Variants in PIK3CD observed in about 807,000 individuals in gnomAD.
The protein encoded by PIK3CD is phosphatidylinositol 4,5-bisphosphate 3-kinase catalytic subunit delta isoform.
In PIK3CD, 20 loss-of-function variants were observed where a neutral mutation model predicts 122.9. That is an observed-to-expected ratio of 0.16 (90% CI 0.11 to 0.24). The LOEUF (loss-of-function observed/expected upper bound fraction) is 0.24. Ranked by LOEUF, PIK3CD falls within the 10% of genes least tolerant of loss-of-function variation. PIK3CD has a pLI of 1.00. For missense variants in PIK3CD, 787 were observed against 1,406.3 expected, an observed-to-expected ratio of 0.56 and a Z score of 7.04; for synonymous variants, 596 against 593.4, an observed-to-expected ratio of 1.00 and a Z score of -0.06.
chr1:9,628,360 A>G, the PIK3CD span, among the ~76,000 whole-genome samples: 2 of 152,252 alleles, frequency 1.3e-5, no homozygotes, highest in Non-Finnish European at 2.9e-5. Context: ...CAAAGCCCAA[A>G]GATGCCATTC....
chr1:9,629,466 C>T, the PIK3CD span, among the ~76,000 whole-genome samples: 6 of 149,014 alleles, frequency 4.0e-5, no homozygotes, highest in Non-Finnish European at 8.9e-5. Context: ...CCCCCACCCC[C>T]GCCCCCACCC....
In PIK3CD at chr1:9,710,135, G is replaced by A; in HGVS notation, c.-32-289G>A. 1 of 408,868 alleles carries A rather than the reference G, an allele frequency of 2.4e-6. No homozygotes were observed. The highest frequency in any genetic ancestry group is 4.6e-6 in the Non-Finnish European group (1 of 215,282). The allele number at this position is 408,868 out of a possible 1,614,324, so 25.3% of individuals were successfully genotyped here. A position where few individuals can be genotyped will look rare whatever the true frequency, so the allele number is the denominator to read the frequency against. ...GGCCATGACTGGCTTTCGTGGATGT[G>A]TATGTTCCTGAGGAAAGATGATTTG... On this transcript the variant is annotated intron_variant, in intron 2 of 23. Transcript: ENST00000377346. This position sits in a 1 kb window ranked among gnomAD's most constrained non-coding sequence, Gnocchi z 4.7.
intron 2 of PIK3CD, among the ~76,000 whole-genome samples, chr1:9,694,597 T>G (rs1570266888): frequency 6.6e-6 from 1 of 152,276 alleles, no homozygotes; most frequent in East Asian, 1.9e-4. Context: ...CAGCTAGCCC[T>G]ACCTGTGTAC....
chr1:9,683,972 G>A (rs920312038), intron 1 of PIK3CD, among the ~76,000 whole-genome samples: 1 of 152,138 alleles, frequency 6.6e-6, no homozygotes, highest in African/African-American at 2.4e-5. Context: ...CTTCTGGCTT[G>A]CTTGGGTTGT....
Position 9,715,415 on chromosome 1 carries a change from G to A in PIK3CD, c.142-126G>A, listed in dbSNP as rs1647261595. On this transcript the variant is annotated intron_variant, in intron 3 of 23. Coordinates refer to ENST00000377346, the MANE Select transcript of PIK3CD (RefSeq NM_005026.5). This position sits in a 1 kb window ranked among gnomAD's most constrained non-coding sequence, Gnocchi z 4.1. ...GGGCTGCAGAGAGTGCAGATCTTGG[G>A]GTCTGCCTCTGCCCTCTGGGAGGTT... The A allele has an allele frequency of 8.2e-6, 6 of 732,544 alleles. No individual in the cohort carries two copies. Among genetic ancestry groups the A allele is most frequent in the East Asian group, 2.8e-5 (1 of 36,250 alleles). 45.4% of individuals were successfully genotyped at this position (732,544 alleles called of 1,614,324 possible). A position where few individuals can be genotyped will look rare whatever the true frequency, so the allele number is the denominator to read the frequency against.
At chr1:9,665,401 AC>A (rs1188570849) in intron 1 of PIK3CD, among the ~76,000 whole-genome samples, 1 of 151,066 alleles carries the variant, frequency 6.6e-6, no homozygotes, top group Non-Finnish European at 1.5e-5. Context: ...CTACAGGCGC[AC>A]GCCGCCATGC....
In PIK3CD at chr1:9,719,187, T is replaced by C. The variant is rs896154882; in HGVS notation, c.1242+272T>C. Among the ~76,000 whole-genome samples, 2 of 152,196 alleles carry C rather than the reference T, an allele frequency of 1.3e-5. No individual in the cohort carries two copies. The highest frequency in any genetic ancestry group is 2.9e-5 in the Non-Finnish European group (2 of 68,022). On this transcript the variant is annotated intron_variant, in intron 9 of 23. Transcript: ENST00000377346. This position sits in a 1 kb window ranked among gnomAD's most constrained non-coding sequence, Gnocchi z 5.5. Reference sequence around the variant, plus strand: ...GGAACCTGCAGGTAGTGCCCTGGGATGGAAGGACAAGCACAGTGTCATCCC... The same window carrying C: ...GGAACCTGCAGGTAGTGCCCTGGGACGGAAGGACAAGCACAGTGTCATCCC...
chr1:9,651,393 G>A (rs1172909036), upstream of PIK3CD, among the ~76,000 whole-genome samples: 1 of 152,182 alleles, frequency 6.6e-6, no homozygotes, highest in Non-Finnish European at 1.5e-5. Flanking sequence ...TTCTTCTCCT[G>A]CTCTCAGCCT....
chr1:9,682,680 G>C (rs547851623), intron 1 of PIK3CD, among the ~76,000 whole-genome samples: 1 of 151,940 alleles, frequency 6.6e-6, no homozygotes, highest in Admixed American at 6.6e-5. Context: ...TTCCCGAGTA[G>C]CTGGGATTAC....
At chr1:9,699,578 T>G (rs919573267) in intron 2 of PIK3CD, among the ~76,000 whole-genome samples, 1 of 150,562 alleles carries the variant, frequency 6.6e-6, no homozygotes, top group Non-Finnish European at 1.5e-5. Context: ...ACCTGCCTCC[T>G]GCCTCAGGGC....
chr1:9,635,956 GAGCAGCAAGAGGGATT>G, the PIK3CD span, among the ~76,000 whole-genome samples: 1 of 152,250 alleles, frequency 6.6e-6, no homozygotes, highest in Non-Finnish European at 1.5e-5. Flanking sequence ...GTCCTGGTAT[GAGCAGCAAGAGGGATT>G]CGCTCTGACT....
intron 1 of PIK3CD, among the ~76,000 whole-genome samples, chr1:9,663,455 G>T (rs1484164837): frequency 2.0e-5 from 3 of 152,150 alleles, no homozygotes; most frequent in Non-Finnish European, 4.4e-5. Flanking sequence ...CCATCTCAAG[G>T]GAGCATGTGG....
At chr1:9,696,243 A>T (rs541740159) in intron 2 of PIK3CD, among the ~76,000 whole-genome samples, 1 of 151,956 alleles carries the variant, frequency 6.6e-6, no homozygotes, top group South Asian at 2.1e-4. Context: ...AAGTGCTAGG[A>T]TTACAGGTGT....
chr1:9,700,074 C>T lies in PIK3CD; in HGVS notation c.-33+8503C>T, dbSNP rs751377593. On this transcript the variant is annotated intron_variant, in intron 2 of 23. Coordinates refer to ENST00000377346, the MANE Select transcript of PIK3CD (RefSeq NM_005026.5). This position sits in a 1 kb window ranked among gnomAD's most constrained non-coding sequence, Gnocchi z 5.1. ...TTATTATATTCCAGTGCTTTTACTA[C>T]CTGAAGCATCTTGTTTATCTATTTG... 6.6e-5 allele frequency among the ~76,000 whole-genome samples: 10 copies of T among 152,158 alleles called. No individual in the cohort carries two copies. Among genetic ancestry groups the T allele is most frequent in the Non-Finnish European group, 1.0e-4 (7 of 68,028 alleles).
At position 9,724,607 on chromosome 1, in the gene PIK3CD, G is replaced by A. The variant is rs924341971; in HGVS notation, c.2864+186G>A. Among the ~76,000 whole-genome samples, 1 of 152,212 alleles carries A rather than the reference G, an allele frequency of 6.6e-6. No individual in the cohort carries two copies. Among genetic ancestry groups the A allele is most frequent in the Non-Finnish European group, 1.5e-5 (1 of 68,040 alleles). Reference sequence around the variant, plus strand: ...CTGCAGTGCCCCTTTTGGGCAATGTGGGCAGGTTTGTGGGTCATGTAGCAG... The same window carrying A: ...CTGCAGTGCCCCTTTTGGGCAATGTAGGCAGGTTTGTGGGTCATGTAGCAG... On this transcript the variant is annotated intron_variant, in intron 22 of 23. Transcript: ENST00000377346. The surrounding 1 kb of genome is among the most constrained non-coding windows in gnomAD (Gnocchi z 7.3).
chr1:9,646,805 T>C (rs556569381), upstream of PIK3CD, among the ~76,000 whole-genome samples: 2 of 151,490 alleles, frequency 1.3e-5, no homozygotes, highest in African/African-American at 4.8e-5. Context: ...ATACAAAAAT[T>C]AGGGCCGGGC....
chr1:9,719,773 C>T lies in PIK3CD; in HGVS notation c.1243-148C>T, dbSNP rs1648192140. 9.4e-6 allele frequency: 7 copies of T among 744,538 alleles called. No homozygotes were observed. Among genetic ancestry groups the T allele is most frequent in the Admixed American group, 4.0e-5 (2 of 50,434 alleles). The allele number at this position is 744,538 out of a possible 1,614,324, so 46.1% of individuals were successfully genotyped here. A position where few individuals can be genotyped will look rare whatever the true frequency, so the allele number is the denominator to read the frequency against. ...GGAAAGAGGAAAAAGCGGCTCCTCT[C>T]CTTCCCCAAGCAGGGTCTCCCAGGG... On this transcript the variant is annotated intron_variant, in intron 9 of 23. Coordinates refer to ENST00000377346, the MANE Select transcript of PIK3CD (RefSeq NM_005026.5). This position sits in a 1 kb window ranked among gnomAD's most constrained non-coding sequence, Gnocchi z 5.5.
chr1:9,702,001 T>G (rs547537622), intron 2 of PIK3CD, among the ~76,000 whole-genome samples: 4 of 149,230 alleles, frequency 2.7e-5, no homozygotes, highest in Admixed American at 6.7e-5. Context: ...TTTTTTTGGT[T>G]TTTTTTTTTT....
intron 2 of PIK3CD, among the ~76,000 whole-genome samples, chr1:9,697,456 G>A (rs745675730): frequency 4.3e-4 from 65 of 151,758 alleles, no homozygotes; most frequent in Admixed American, 1.1e-3. Context: ...GACTTTGGGA[G>A]GCCAACATGG....
Sources: gnomAD v4.1 joint callset for allele counts (sites outside exome capture counted in the v4.1 genomes callset) on GRCh38, gnomAD v4.1.1 for gene constraint, Gnocchi (gnomAD v3.1) non-coding constraint, MANE v1.5 for transcripts, NCBI Gene and HGNC (gene_info 2026-07-23, HGNC 2026-07-21) for gene names.